Variants in KCNH7 observed in about 807,000 individuals in gnomAD.
KCNH7 encodes the protein potassium voltage-gated channel subfamily H member 7, also known as voltage-gated inwardly rectifying potassium channel KCNH7.
A neutral mutation model predicts 120.8 loss-of-function variants in KCNH7; 49 were observed. That is an observed-to-expected ratio of 0.41 (90% confidence interval 0.32 to 0.51). The LOEUF (loss-of-function observed/expected upper bound fraction) is 0.51. Ranked by LOEUF, KCNH7 falls within the 20% of genes least tolerant of loss-of-function variation. KCNH7 has a pLI of 0.38. For missense variants in KCNH7, 1,097 were observed against 1,446.6 expected, an observed-to-expected ratio of 0.76 and a Z score of 3.92; for synonymous variants, 547 against 516.1, an observed-to-expected ratio of 1.06 and a Z score of -0.81.
intron 2 of KCNH7, among the ~76,000 whole-genome samples, chr2:162,678,797 G>C (rs913350391): frequency 6.6e-6 from 1 of 151,548 alleles, no homozygotes; most frequent in Non-Finnish European, 1.5e-5. Flanking sequence ...TTCCTAGGAA[G>C]TACTGAGCAT....
chr2:162,482,010 C>T (rs1034674499), intron 6 of KCNH7, among the ~76,000 whole-genome samples: 5 of 100,176 alleles, frequency 5.0e-5, no homozygotes, highest in Non-Finnish European at 1.3e-4. Flanking sequence ...TATCTATTAT[C>T]ATCTTCTCTT....
chr2:162,707,635 T>C (rs946426306), intron 2 of KCNH7, among the ~76,000 whole-genome samples: 3 of 152,048 alleles, frequency 2.0e-5, no homozygotes, highest in African/African-American at 7.2e-5. Context: ...GTAAGGAAGA[T>C]GAAATTCAAA....
intron 2 of KCNH7, among the ~76,000 whole-genome samples, chr2:162,827,833 G>T (rs1286493692): frequency 6.6e-6 from 1 of 151,978 alleles, no homozygotes; most frequent in Non-Finnish European, 1.5e-5. Flanking sequence ...CTGTAAAATG[G>T]GATAACGTCT....
intron 2 of KCNH7, among the ~76,000 whole-genome samples, chr2:162,610,395 G>C (rs2105970358): frequency 6.6e-6 from 1 of 152,202 alleles, no homozygotes; most frequent in South Asian, 2.1e-4. Flanking sequence ...ATTAACTGCT[G>C]TTCTCCCAAG....
intron 5 of KCNH7, among the ~76,000 whole-genome samples, chr2:162,510,647 G>T (rs770515182): frequency 8.6e-5 from 13 of 151,548 alleles, no homozygotes; most frequent in Non-Finnish European, 1.9e-4. Flanking sequence ...ATGTTTTTTG[G>T]TTGAATATTG....
Position 162,536,946 on chromosome 2 carries a change from A to T in KCNH7, c.442T>A (p.Leu148Ile). ...TTACGGTTTACAGTTTTGATTGGTA[A>T]TATTGGGTTTACCCTCTCTGGGGTG... ...AATPERVNPI[L>I]PIKTVNRKFF... Residue 148 changes from leucine to isoleucine, a missense_variant, in exon 3 of 16, where the codon TTA becomes ATA. Physicochemically the swap from Leu to Ile is conservative, Grantham distance 5 (BLOSUM62 2). This residue lies in a region of KCNH7 where 362 missense variants were observed against 372.2 expected (regional missense o/e 0.97). Transcript: ENST00000332142. 6.2e-7 allele frequency: 1 copy of T among 1,612,710 alleles called. No homozygotes were observed. Among genetic ancestry groups the T allele is most frequent in the Non-Finnish European group, 8.5e-7 (1 of 1,179,052 alleles).
intron 2 of KCNH7, among the ~76,000 whole-genome samples, chr2:162,692,073 A>C (rs753903892): frequency 4.6e-5 from 7 of 152,044 alleles, no homozygotes; most frequent in Non-Finnish European, 8.8e-5. Context: ...CATTAAGACA[A>C]TGACATTGGC....
intron 2 of KCNH7, among the ~76,000 whole-genome samples, chr2:162,793,957 T>G (rs929846427): frequency 6.6e-5 from 10 of 151,986 alleles, no homozygotes; most frequent in Admixed American, 3.3e-4. Flanking sequence ...CAAAAAAAGG[T>G]AACTATGTGA....
chr2:162,787,419 C>T (rs1259803269), intron 2 of KCNH7, among the ~76,000 whole-genome samples: 2 of 151,908 alleles, frequency 1.3e-5, no homozygotes, highest in Non-Finnish European at 2.9e-5. Context: ...CTCCTATAGC[C>T]CCAGGATCCA....
intron 6 of KCNH7, among the ~76,000 whole-genome samples, chr2:162,489,814 A>G (rs1690229495): frequency 6.6e-6 from 1 of 152,208 alleles, no homozygotes; most frequent in African/African-American, 2.4e-5. Flanking sequence ...TTGCTGAACC[A>G]AGCTTGCTGG....
intron 3 of KCNH7, among the ~76,000 whole-genome samples, chr2:162,534,349 A>T (rs1006553882): frequency 6.6e-6 from 1 of 151,496 alleles, no homozygotes; most frequent in Non-Finnish European, 1.5e-5. Context: ...GTCTTTGGGA[A>T]AAAAGCTACT....
At chr2:162,677,355 A>G (rs914333463) in intron 2 of KCNH7, among the ~76,000 whole-genome samples, 1 of 151,420 alleles carries the variant, frequency 6.6e-6, no homozygotes, top group African/African-American at 2.4e-5. Flanking sequence ...GAATATATCT[A>G]TTTTATCAAC....
At chr2:162,560,869 A>G (rs1414664503) in intron 2 of KCNH7, among the ~76,000 whole-genome samples, 3 of 152,194 alleles carry the variant, frequency 2.0e-5, no homozygotes, top group African/African-American at 4.8e-5. Context: ...AAATTCTTTA[A>G]AAGGTGACTC....
intron 2 of KCNH7, among the ~76,000 whole-genome samples, chr2:162,730,081 T>TA (rs919746509): frequency 4.3e-4 from 60 of 139,046 alleles, no homozygotes; most frequent in East Asian, 1.7e-3. Flanking sequence ...GTAATAAAAG[T>TA]AAAAAAAAAA....
intron 2 of KCNH7, among the ~76,000 whole-genome samples, chr2:162,578,991 C>T (rs908985158): frequency 1.1e-4 from 16 of 151,628 alleles, no homozygotes; most frequent in East Asian, 3.9e-4. Context: ...TCTACTGAAA[C>T]GCCTACACTT....
At chr2:162,769,970 C>G (rs901422566) in intron 2 of KCNH7, among the ~76,000 whole-genome samples, 2 of 152,012 alleles carry the variant, frequency 1.3e-5, no homozygotes, top group Admixed American at 6.6e-5. Context: ...AATACAAAAG[C>G]AAAGTGATGC....
intron 8 of KCNH7, among the ~76,000 whole-genome samples, chr2:162,425,545 G>A (rs1384256062): frequency 6.6e-6 from 1 of 152,120 alleles, no homozygotes; most frequent in Non-Finnish European, 1.5e-5. Flanking sequence ...AGATTCATGT[G>A]AAAAATACGT....
intron 2 of KCNH7, among the ~76,000 whole-genome samples, chr2:162,738,042 C>T (rs1024034578): frequency 9.2e-5 from 11 of 119,634 alleles, no homozygotes; most frequent in East Asian, 8.2e-4. Context: ...CCAGCCTGGG[C>T]GGCAGAGAGA....
intron 9 of KCNH7, among the ~76,000 whole-genome samples, chr2:162,412,428 A>G (rs1251433178): frequency 6.6e-6 from 1 of 152,172 alleles, no homozygotes; most frequent in Admixed American, 6.6e-5. Context: ...AGATGATTTT[A>G]ATGTGAAGCA....
Sources: allele counts gnomAD v4.1 joint callset (sites outside exome capture counted in the v4.1 genomes callset), GRCh38; gene constraint gnomAD v4.1.1; regional missense constraint gnomAD v4.1.1; transcripts MANE v1.5; gene names NCBI Gene and HGNC (gene_info 2026-07-23, HGNC 2026-07-21).